Variants in GABRG3 observed in about 807,000 individuals in gnomAD.
GABRG3 encodes the protein gamma-aminobutyric acid receptor subunit gamma-3.
In GABRG3, 25 loss-of-function variants were observed where a neutral mutation model predicts 48.8. The observed-to-expected ratio is 0.51, with a 90% CI of 0.37 to 0.72. GABRG3 has a LOEUF of 0.72. GABRG3 is among the 30% of genes least tolerant of loss of function. The pLI, the probability that GABRG3 is intolerant of heterozygous loss-of-function variation, is 0.00. For missense variants in GABRG3, 394 were observed against 577.9 expected (o/e 0.68, Z 3.26); for synonymous variants, 227 against 217.6 (o/e 1.04, Z -0.38).
chr15:27,091,400 C>CAT (rs1897182664), intron 3 of GABRG3, among the ~76,000 whole-genome samples: 1 of 152,092 alleles, frequency 6.6e-6, no homozygotes, highest in Admixed American at 6.6e-5. Flanking sequence ...AAGATTTTTG[C>CAT]ATATATATTC....
intron 3 of GABRG3, among the ~76,000 whole-genome samples, chr15:27,238,777 A>C (rs984682028): frequency 5.3e-5 from 8 of 152,200 alleles, no homozygotes; most frequent in African/African-American, 1.9e-4. Flanking sequence ...AGGCAAAGTA[A>C]AGTTCCCTAG....
chr15:27,308,386 T>G (rs1335115825), intron 3 of GABRG3, among the ~76,000 whole-genome samples: 1 of 145,110 alleles, frequency 6.9e-6, no homozygotes, highest in East Asian at 2.1e-4. Flanking sequence ...TTTGTTTATA[T>G]ATAAACATAT....
At chr15:27,481,265 A>AT in intron 6 of GABRG3, 1 of 952,982 alleles carries the variant, frequency 1.0e-6, no homozygotes, top group Non-Finnish European at 1.3e-6. Flanking sequence ...TACCAATTTG[A>AT]TTTTATGAAG....
rs1245861742 is a variant in GABRG3, at chr15:27,236,815, C to T, written c.271-89994C>T. Among the ~76,000 whole-genome samples, 5 of 152,142 alleles carry T rather than the reference C, an allele frequency of 3.3e-5. No individual in the cohort carries two copies. The highest frequency in any genetic ancestry group is 7.4e-5 in the Non-Finnish European group (5 of 68,020). On this transcript the variant is annotated intron_variant, in intron 3 of 9. Transcript: ENST00000615808. This position sits in a 1 kb window ranked among gnomAD's most constrained non-coding sequence, Gnocchi z 4.4. ...ATGGGTCCCATGAAGAGGCATGAAG[C>T]GCAATTGCACGTGTGTTTGTTTTAT...
chr15:27,308,858 A>T (rs931559319), intron 3 of GABRG3, among the ~76,000 whole-genome samples: 4 of 149,910 alleles, frequency 2.7e-5, no homozygotes, highest in Non-Finnish European at 4.5e-5. Flanking sequence ...GAATGTAAAC[A>T]TATATGTTTT....
intron 5 of GABRG3, among the ~76,000 whole-genome samples, chr15:27,435,774 C>T (rs1352254210): frequency 6.6e-6 from 1 of 152,202 alleles, no homozygotes; most frequent in African/African-American, 2.4e-5. Flanking sequence ...GGCTTCATGC[C>T]TCTAAGCTAT....
At chr15:27,040,906 A>G (rs1007433782) in intron 3 of GABRG3, among the ~76,000 whole-genome samples, 2 of 152,192 alleles carry the variant, frequency 1.3e-5, no homozygotes, top group Admixed American at 1.3e-4. Context: ...GAACGACTCT[A>G]TCATGATAAA....
chr15:27,371,375 C>T (rs1259410425), intron 5 of GABRG3, among the ~76,000 whole-genome samples: 5 of 151,998 alleles, frequency 3.3e-5, no homozygotes, highest in African/African-American at 4.8e-5. Flanking sequence ...CTTGGTGAGG[C>T]GATGCATATA....
chr15:27,473,131 T>C (rs959086244), intron 5 of GABRG3, among the ~76,000 whole-genome samples: 1 of 152,214 alleles, frequency 6.6e-6, no homozygotes, highest in Non-Finnish European at 1.5e-5. Context: ...TATATAAAAA[T>C]ATAATTAGAT....
At chr15:27,073,383 A>G (rs1023805567) in intron 3 of GABRG3, among the ~76,000 whole-genome samples, 2 of 152,206 alleles carry the variant, frequency 1.3e-5, no homozygotes, top group African/African-American at 4.8e-5. Flanking sequence ...GTGCCACCCC[A>G]TGTGCCATTT....
chr15:27,278,312 A>C (rs1891322228), intron 3 of GABRG3, among the ~76,000 whole-genome samples: 1 of 152,032 alleles, frequency 6.6e-6, no homozygotes, highest in Non-Finnish European at 1.5e-5. Context: ...GGCCTCCCCA[A>C]ATGCTGAAAT....
intron 5 of GABRG3, among the ~76,000 whole-genome samples, chr15:27,398,775 CCTGA>C (rs1256240004): frequency 1.5e-4 from 23 of 152,160 alleles, no homozygotes; most frequent in Middle Eastern, 3.4e-3. Context: ...CCAACGTGTA[CCTGA>C]CTATTTGCTT....
intron 3 of GABRG3, among the ~76,000 whole-genome samples, chr15:27,207,238 A>G (rs964310472): frequency 2.0e-5 from 3 of 152,204 alleles, no homozygotes; most frequent in African/African-American, 4.8e-5. Context: ...GTAATTCAGG[A>G]CAAAACCCTT....
At chr15:27,246,504 C>A (rs926512155) in intron 3 of GABRG3, among the ~76,000 whole-genome samples, 6 of 152,026 alleles carry the variant, frequency 3.9e-5, no homozygotes, top group Non-Finnish European at 7.4e-5. Context: ...CATTTTGTTA[C>A]GAATGTATAA....
At chr15:27,300,363 G>A (rs532789052) in intron 3 of GABRG3, among the ~76,000 whole-genome samples, 3 of 152,058 alleles carry the variant, frequency 2.0e-5, no homozygotes, top group African/African-American at 4.8e-5. Context: ...ATGAAGGCAC[G>A]TATTTTTAAA....
At position 26,983,588 on chromosome 15, in the gene GABRG3, A is replaced by G. The variant is rs1275903280; in HGVS notation, c.202+6438A>G. 2.6e-5 allele frequency among the ~76,000 whole-genome samples: 4 copies of G among 152,140 alleles called. No homozygotes were observed. In the East Asian group the frequency reaches 7.7e-4, roughly 29 times the overall value. On this transcript the variant is annotated intron_variant, in intron 2 of 9. Coordinates refer to ENST00000615808, the MANE Select transcript of GABRG3 (RefSeq NM_033223.5). ...GGAGTTTGAGACCAGTCTGAGCAAC[A>G]TAAGAGACCTTGTTTCTACAAAAAT...
intron 3 of GABRG3, among the ~76,000 whole-genome samples, chr15:27,067,567 CT>C (rs1433706648): frequency 1.3e-5 from 2 of 152,200 alleles, no homozygotes; most frequent in Non-Finnish European, 2.9e-5. Context: ...CAGAGTGCCC[CT>C]GTGGGCCAGG....
At chr15:27,275,832 A>G (rs967403813) in intron 3 of GABRG3, among the ~76,000 whole-genome samples, 7 of 152,190 alleles carry the variant, frequency 4.6e-5, no homozygotes, top group Non-Finnish European at 7.4e-5. Flanking sequence ...TGCAGGTCCG[A>G]TGGGGAGGCT....
chr15:27,252,132 G>A (rs1026209170), intron 3 of GABRG3, among the ~76,000 whole-genome samples: 21 of 152,152 alleles, frequency 1.4e-4, no homozygotes, highest in African/African-American at 5.1e-4. Context: ...GAAATCGGGG[G>A]ACACGAGGGT....
Sources: allele counts gnomAD v4.1 joint callset (sites outside exome capture counted in the v4.1 genomes callset), GRCh38; gene constraint gnomAD v4.1.1; non-coding constraint Gnocchi (gnomAD v3.1); transcripts MANE v1.5; gene names NCBI Gene and HGNC (gene_info 2026-07-23, HGNC 2026-07-21).